LRRTM4: variants seen among roughly 807,000 people sequenced by gnomAD.
LRRTM4 encodes leucine rich repeat transmembrane neuronal 4, also known as leucine-rich repeat transmembrane neuronal protein 4.
In LRRTM4, 25 loss-of-function variants were observed where a neutral mutation model predicts 47.6. The observed-to-expected ratio is 0.53, with a 90% CI of 0.38 to 0.73. The LOEUF is 0.73. Among genes scored for constraint, LRRTM4 ranks in the 30% least tolerant of loss-of-function variants. The pLI is 0.00. For missense variants in LRRTM4, 638 were observed against 713.4 expected (o/e 0.89, Z 1.20); for synonymous variants, 311 against 269.5 (o/e 1.15, Z -1.51).
intron 3 of LRRTM4, among the ~76,000 whole-genome samples, chr2:76,853,886 T>G (rs1030774811): frequency 1.3e-5 from 2 of 152,186 alleles, no homozygotes; most frequent in African/African-American, 4.8e-5. Flanking sequence ...ATTTGTTCTC[T>G]CAATGCCAAA....
chr2:77,249,345 C>T (rs1675539443), intron 3 of LRRTM4, among the ~76,000 whole-genome samples: 1 of 151,780 alleles, frequency 6.6e-6, no homozygotes, highest in African/African-American at 2.4e-5. Flanking sequence ...AGCAAAACTC[C>T]ATCTCAAAAA....
intron 3 of LRRTM4, among the ~76,000 whole-genome samples, chr2:77,217,361 AT>A (rs1490935391): frequency 5.3e-5 from 1 of 18,714 alleles, no homozygotes; most frequent in African/African-American, 3.8e-4. Flanking sequence ...TTAATTAATT[AT>A]ATTAATTTAT....
chr2:77,140,250 C>T (rs1645521486), intron 3 of LRRTM4, among the ~76,000 whole-genome samples: 1 of 152,168 alleles, frequency 6.6e-6, no homozygotes, highest in Non-Finnish European at 1.5e-5. Flanking sequence ...GTAACCAAAA[C>T]AGCATGGTAC....
chr2:77,292,959 T>C (rs1676869587), intron 3 of LRRTM4, among the ~76,000 whole-genome samples: 1 of 151,814 alleles, frequency 6.6e-6, no homozygotes, highest in South Asian at 2.1e-4. Context: ...TACATTGCTT[T>C]AAAAATACCT....
At chr2:77,146,922 A>C (rs1369132304) in intron 3 of LRRTM4, among the ~76,000 whole-genome samples, 2 of 152,194 alleles carry the variant, frequency 1.3e-5, no homozygotes, top group African/African-American at 4.8e-5. Context: ...AAGAATTTAG[A>C]GGGAGCTAGT....
At chr2:76,927,051 T>C (rs758657938) in intron 3 of LRRTM4, among the ~76,000 whole-genome samples, 9 of 152,192 alleles carry the variant, frequency 5.9e-5, no homozygotes, top group South Asian at 2.1e-4. Context: ...GGCAATTCTC[T>C]ATTGTGATTT....
At chr2:77,188,889 A>G (rs1223477326) in intron 3 of LRRTM4, among the ~76,000 whole-genome samples, 1 of 152,120 alleles carries the variant, frequency 6.6e-6, no homozygotes, top group African/African-American at 2.4e-5. Context: ...TGTTTCCAAA[A>G]TATGTCTTAA....
chr2:76,950,833 A>G (rs1675470358), intron 3 of LRRTM4, among the ~76,000 whole-genome samples: 1 of 152,042 alleles, frequency 6.6e-6, no homozygotes, highest in African/African-American at 2.4e-5. Context: ...ATTCAGCCAT[A>G]TTAAGACTAG....
intron 3 of LRRTM4, among the ~76,000 whole-genome samples, chr2:77,319,062 G>A (rs1677709964): frequency 6.6e-6 from 1 of 152,010 alleles, no homozygotes; most frequent in Non-Finnish European, 1.5e-5. Flanking sequence ...TAATTATCAT[G>A]GGTATAGCTT....
At chr2:77,007,315 T>G (rs1348025498) in intron 3 of LRRTM4, among the ~76,000 whole-genome samples, 1 of 152,118 alleles carries the variant, frequency 6.6e-6, no homozygotes, top group East Asian at 1.9e-4. Context: ...TCCTTTTATA[T>G]TATATTGAAG....
chr2:77,450,411 T>C (rs1246238182), intron 3 of LRRTM4, among the ~76,000 whole-genome samples: 2 of 152,086 alleles, frequency 1.3e-5, no homozygotes, highest in African/African-American at 4.8e-5. Flanking sequence ...GATATATACT[T>C]GAAATCCATT....
intron 3 of LRRTM4, among the ~76,000 whole-genome samples, chr2:76,787,009 G>A (rs1674708085): frequency 6.6e-6 from 1 of 151,860 alleles, no homozygotes; most frequent in African/African-American, 2.4e-5. Flanking sequence ...CAGGTGACTT[G>A]TGGAACATGA....
intron 3 of LRRTM4, among the ~76,000 whole-genome samples, chr2:77,403,091 C>T (rs1402973065): frequency 6.6e-6 from 1 of 151,770 alleles, no homozygotes; most frequent in Non-Finnish European, 1.5e-5. Context: ...GAAATACAAA[C>T]CTAATTATGC....
chr2:77,108,545 T>C (rs1671159185), intron 3 of LRRTM4, among the ~76,000 whole-genome samples: 2 of 151,788 alleles, frequency 1.3e-5, no homozygotes, highest in South Asian at 4.2e-4. Flanking sequence ...TTTTAAGAAA[T>C]AGTTATTTAA....
At chr2:77,019,436 T>C (rs964940000) in intron 3 of LRRTM4, among the ~76,000 whole-genome samples, 1 of 152,032 alleles carries the variant, frequency 6.6e-6, no homozygotes, top group African/African-American at 2.4e-5. Context: ...TTTCTAACTT[T>C]CTATGTGACC....
At chr2:77,039,251 G>A (rs547825961) in intron 3 of LRRTM4, among the ~76,000 whole-genome samples, 37 of 151,144 alleles carry the variant, frequency 2.4e-4, no homozygotes, top group African/African-American at 8.5e-4. Flanking sequence ...CTTAGATACA[G>A]GCTGTAAGTC....
chr2:76,885,633 T>C (rs754777186), intron 3 of LRRTM4, among the ~76,000 whole-genome samples: 3 of 151,902 alleles, frequency 2.0e-5, no homozygotes, highest in Non-Finnish European at 4.4e-5. Context: ...GTCCGGCTAA[T>C]TGTTTGTATT....
intron 3 of LRRTM4, among the ~76,000 whole-genome samples, chr2:77,217,139 G>GGTACCC (rs1379329503): frequency 2.0e-5 from 3 of 150,314 alleles, no homozygotes; most frequent in African/African-American, 7.3e-5. Context: ...CTTTAGAACT[G>GGTACCC]GTACCCAGGC....
At chr2:76,813,202 A>G (rs965123782) in intron 3 of LRRTM4, among the ~76,000 whole-genome samples, 1 of 152,102 alleles carries the variant, frequency 6.6e-6, no homozygotes. Flanking sequence ...TAAAGGAGGA[A>G]TACATGTATA....
Sources: gnomAD v4.1 joint callset for allele counts (sites outside exome capture counted in the v4.1 genomes callset) on GRCh38, gnomAD v4.1.1 for gene constraint, MANE v1.5 for transcripts, NCBI Gene and HGNC (gene_info 2026-07-23, HGNC 2026-07-21) for gene names.